COPS2: variants seen among roughly 807,000 people sequenced by gnomAD.
COPS2 encodes COP9 signalosome complex subunit 2.
In COPS2, 10 loss-of-function variants were observed where a neutral mutation model predicts 66.1. That is an observed-to-expected ratio of 0.15 (90% CI 0.09 to 0.26). The LOEUF is 0.26. Ranked by LOEUF, COPS2 falls within the 10% of genes least tolerant of loss-of-function variation. The pLI is 1.00. For synonymous variants in COPS2, 179 were observed against 171.3 expected (o/e 1.04, Z -0.35); for missense variants, 215 against 513.3 (o/e 0.42, Z 5.62).
chr15:49,148,020 A>C (rs1414659943), intron 1 of COPS2, among the ~76,000 whole-genome samples: 1 of 152,166 alleles, frequency 6.6e-6, no homozygotes, highest in Non-Finnish European at 1.5e-5. Context: ...GACATCACTA[A>C]CCCATCATTT....
chr15:49,154,103 C>A (rs1386685047), intron 1 of COPS2, among the ~76,000 whole-genome samples: 1 of 152,056 alleles, frequency 6.6e-6, no homozygotes, highest in Non-Finnish European at 1.5e-5. Context: ...CCGACTTGAT[C>A]ACTACATATC....
Position 49,147,456 on chromosome 15 carries a change from T to C in COPS2, c.55-2378A>G, listed in dbSNP as rs745362265. On this transcript the variant is annotated intron_variant, in intron 1 of 12. Transcript: ENST00000388901. ...AGAGGAAAGTAGAAGCTGAAAGGTA[T>C]ACATGACAACAGTAGGACTAGTATT... Among the ~76,000 whole-genome samples the C allele has an allele frequency of 8.3e-4, 126 of 152,134 alleles. 1 individual carries two copies. Among genetic ancestry groups the C allele is most frequent in the Non-Finnish European group, 1.5e-3 (100 of 68,014 alleles).
At chr15:49,145,922 A>G (rs1233115966) in intron 1 of COPS2, among the ~76,000 whole-genome samples, 8 of 152,160 alleles carry the variant, frequency 5.3e-5, no homozygotes, top group Admixed American at 5.2e-4. Context: ...TTTCCTTCTC[A>G]GCTTTAAGTC....
chr15:49,139,746 G>C (rs1467007199), intron 3 of COPS2, 93 bp from the exon 4 acceptor site: 2 of 879,508 alleles, frequency 2.3e-6, no homozygotes, highest in Non-Finnish European at 3.5e-6. Context: ...ACTACATAAT[G>C]AAATGTAGTT....
At chr15:49,128,542 A>G (rs1325126471) in intron 12 of COPS2, among the ~76,000 whole-genome samples, 160 bp downstream of exon 12, 1 of 152,248 alleles carries the variant, frequency 6.6e-6, no homozygotes, top group African/African-American at 2.4e-5. Context: ...ACGCTCATTC[A>G]TCAAAAACCA....
In COPS2 at chr15:49,129,472, A is replaced by C; in HGVS notation, c.1128+5T>G. 1 of 1,201,856 alleles carries C rather than the reference A, an allele frequency of 8.3e-7. No homozygotes were observed. Among genetic ancestry groups the C allele is most frequent in the Non-Finnish European group, 1.1e-6 (1 of 872,462 alleles). The allele number at this position is 1,201,856 out of a possible 1,614,324, so 74.4% of individuals were successfully genotyped here. A position where few individuals can be genotyped will look rare whatever the true frequency, so the allele number is the denominator to read the frequency against. ...AACATCATTAAAATCTATGAATATA[A>C]GTACCTTAGAAATAAAAGGAATATG... On this transcript the variant is annotated splice_donor_5th_base_variant and intron_variant, in intron 11 of 12. Transcript: ENST00000388901.
chr15:49,135,969 T>C (rs2084247946), intron 6 of COPS2, among the ~76,000 whole-genome samples: 1 of 152,216 alleles, frequency 6.6e-6, no homozygotes, highest in Non-Finnish European at 1.5e-5. Flanking sequence ...GTTCCAGCAT[T>C]TCCATTTCAT....
Position 49,127,948 on chromosome 15 carries a change from T to C in COPS2, c.*2A>G. The C allele has an allele frequency of 1.9e-6, 3 of 1,613,790 alleles. No homozygotes were observed. Among genetic ancestry groups the C allele is most frequent in the South Asian group, 1.1e-5 (1 of 91,024 alleles). ...AGGACGTCTGTAAAAGCTTGTTCTC[T>C]GTTAAGCCAGTTTACTGACTACAGC... On this transcript the variant is annotated 3_prime_UTR_variant, in exon 13 of 13. Coordinates refer to ENST00000388901, the MANE Select transcript of COPS2 (RefSeq NM_004236.4).
rs977040475 is a variant in COPS2, at chr15:49,137,143, A to G, written c.540+7T>C. ...GAAATATTCAGAAAAAAATAAGGGA[A>G]AGCTACCTGGCACGACTGATGTAAC... On this transcript the variant is annotated splice_region_variant and intron_variant, in intron 6 of 12. Transcript: ENST00000388901. The G allele has an allele frequency of 1.3e-6, 2 of 1,554,420 alleles. No homozygotes were observed. The highest frequency in any genetic ancestry group is 1.7e-6 in the Non-Finnish European group (2 of 1,150,116).
In COPS2 at chr15:49,129,469, A is replaced by G. The variant is rs1020765433; in HGVS notation, c.1128+8T>C. On this transcript the variant is annotated splice_region_variant and intron_variant, in intron 11 of 12. Coordinates refer to ENST00000388901, the MANE Select transcript of COPS2 (RefSeq NM_004236.4). ...ATAAACATCATTAAAATCTATGAAT[A>G]TAAGTACCTTAGAAATAAAAGGAAT... is the stretch of plus-strand genomic sequence containing the variant. 1.1e-5 allele frequency: 13 copies of G among 1,184,518 alleles called. 2 individuals are homozygous for G. The highest frequency in any genetic ancestry group is 3.3e-5 in the South Asian group (2 of 59,946). 73.4% of individuals were successfully genotyped at this position (1,184,518 alleles called of 1,614,324 possible).
At chr15:49,152,647 C>A (rs188424781) in intron 1 of COPS2, among the ~76,000 whole-genome samples, 1 of 152,054 alleles carries the variant, frequency 6.6e-6, no homozygotes, top group Non-Finnish European at 1.5e-5. Context: ...CATGGTGAAA[C>A]CCCGCCTCTA....
chr15:49,137,538 A>G (rs2084262070), intron 4 of COPS2, 101 bp from the exon 5 acceptor site: 8 of 835,506 alleles, frequency 9.6e-6, no homozygotes, highest in Non-Finnish European at 1.6e-5. Flanking sequence ...GAACTTTAAT[A>G]CACATAAGAT....
rs1219077809 is a variant in COPS2, at chr15:49,152,302, G to T, written c.54+3223C>A. On this transcript the variant is annotated intron_variant, in intron 1 of 12. Transcript: ENST00000388901. The stretch of plus-strand genomic sequence containing the variant: ...TTTTTTTTTAAATATATGATTTAAG[G>T]AAATGAAAAACAAATTACTAAATAA... Among the ~76,000 whole-genome samples the T allele has an allele frequency of 2.0e-5, 3 of 150,822 alleles. No individual in the cohort carries two copies. In the East Asian group the frequency reaches 5.8e-4, roughly 29 times the overall value.
At position 49,127,863 on chromosome 15, in the gene COPS2, C is replaced by T. The variant is rs112251712; in HGVS notation, c.*87G>A. The T allele has an allele frequency of 2.2e-5, 30 of 1,357,852 alleles. 1 individual carries two copies. Among genetic ancestry groups the T allele is most frequent in the African/African-American group, 2.0e-4 (14 of 68,628 alleles). 84.1% of individuals were successfully genotyped at this position (1,357,852 alleles called of 1,614,324 possible). ...CCAATAATTTTCAGGACACATCAAC[C>T]GACAGTAGTTTTGCCATTCCCAGTT... On this transcript the variant is annotated 3_prime_UTR_variant, in exon 13 of 13. Coordinates refer to ENST00000388901, the MANE Select transcript of COPS2 (RefSeq NM_004236.4).
intron 1 of COPS2, among the ~76,000 whole-genome samples, chr15:49,148,384 T>C (rs185637347): frequency 6.6e-6 from 1 of 152,224 alleles, no homozygotes; most frequent in Admixed American, 6.5e-5. Flanking sequence ...ACTTCTGAGT[T>C]AGAGGAAGGA....
At position 49,132,303 on chromosome 15, in the gene COPS2, A is replaced by G. The variant is rs537791042; in HGVS notation, c.947+1456T>C. On this transcript the variant is annotated intron_variant, in intron 9 of 12. Coordinates refer to ENST00000388901, the MANE Select transcript of COPS2 (RefSeq NM_004236.4). ...AATAAAGAAACTGATTTAATGTGGT[A>G]ACTTAAGGTTTTTAATTCCAAACTG... Among the ~76,000 whole-genome samples, 11 of 152,096 alleles carry G rather than the reference A, an allele frequency of 7.2e-5. No individual in the cohort carries two copies. In the East Asian group the frequency reaches 1.2e-3, roughly 16 times the overall value.
rs1391748689 is a variant in COPS2, at chr15:49,124,525, T to C, written c.*3425A>G. The C allele has an allele frequency of 6.6e-6, 1 of 152,122 alleles. No homozygotes were observed. The highest frequency in any genetic ancestry group is 2.4e-5 in the African/African-American group (1 of 41,446). The allele number at this position is 152,122 out of a possible 1,614,324, so 9.4% of individuals were successfully genotyped here. On this transcript the variant is annotated 3_prime_UTR_variant, in exon 13 of 13. Coordinates refer to ENST00000388901, the MANE Select transcript of COPS2 (RefSeq NM_004236.4). ...GAGGAAAATTTTAATTGTGGTCACA[T>C]AAATGAAGACCAAATGCCTTTTGCG...
chr15:49,140,359 T>C (rs1363446443), intron 3 of COPS2, among the ~76,000 whole-genome samples: 1 of 152,180 alleles, frequency 6.6e-6, no homozygotes, highest in Non-Finnish European at 1.5e-5. Context: ...TTCTTCCCTG[T>C]AATTTTATCC....
chr15:49,144,183 C>A (rs2084306997), intron 3 of COPS2, 44 bp downstream of exon 3: 3 of 1,256,850 alleles, frequency 2.4e-6, no homozygotes, highest in Non-Finnish European at 3.5e-6. Context: ...GAGGTTTTTA[C>A]CTACAAAATT....
Sources: allele counts gnomAD v4.1 joint callset (sites outside exome capture counted in the v4.1 genomes callset), GRCh38; gene constraint gnomAD v4.1.1; transcripts MANE v1.5; gene names NCBI Gene and HGNC (gene_info 2026-07-23, HGNC 2026-07-21).